USP49: variants seen among roughly 807,000 people sequenced by gnomAD.
USP49 encodes ubiquitin specific peptidase 49.
USP49 carries 24 observed loss-of-function variants against 58.6 expected under a neutral mutation model. That is an observed-to-expected ratio of 0.41 (90% CI 0.30 to 0.58). The LOEUF (loss-of-function observed/expected upper bound fraction) is 0.58. Ranked by LOEUF, USP49 falls within the 20% of genes least tolerant of loss-of-function variation. The pLI, the probability that USP49 is intolerant of heterozygous loss-of-function variation, is 0.30. For missense variants in USP49, 703 were observed against 866.1 expected (o/e 0.81, Z 2.36); for synonymous variants, 408 against 365.1 (o/e 1.12, Z -1.34).
intron 3 of USP49, among the ~76,000 whole-genome samples, chr6:41,849,821 T>A (rs1418387339): frequency 6.6e-6 from 1 of 152,106 alleles, no homozygotes; most frequent in Non-Finnish European, 1.5e-5. Flanking sequence ...TTGGCCAATA[T>A]GGTCTTGATC....
rs1352260957 is a variant in USP49, at chr6:41,798,900, A to G, written c.1700T>C (p.Ile567Thr). Reference sequence around the variant, plus strand: ...CTGGTCAAAGACGACATGGACCCCAATCTTCTCTCGATGATTACGGCCAGA... The same window carrying G: ...CTGGTCAAAGACGACATGGACCCCAGTCTTCTCTCGATGATTACGGCCAGA... ...RWSGRNHREKIGVHVVFDQVL... is the reference protein window; with the variant it reads ...RWSGRNHREKTGVHVVFDQVL... The change falls in exon 7 of 8, where the codon ATT (isoleucine) becomes ACT (threonine). Residue 567 changes from isoleucine to threonine, a missense_variant. Coordinates refer to ENST00000682992, the MANE Select transcript of USP49 (RefSeq NM_001286554.2). 2 of 1,613,866 alleles carry G rather than the reference A, an allele frequency of 1.2e-6. No individual in the cohort carries two copies. Among genetic ancestry groups the G allele is most frequent in the Non-Finnish European group, 1.7e-6 (2 of 1,179,946 alleles).
intron 3 of USP49, among the ~76,000 whole-genome samples, chr6:41,865,803 C>CTTTT (rs55695314): frequency 8.4e-6 from 1 of 119,036 alleles, no homozygotes; most frequent in Admixed American, 9.3e-5. Flanking sequence ...CATGCCTGGC[C>CTTTT]TTTTTTTTTT....
Position 41,806,829 on chromosome 6 carries a change from T to C in USP49, c.155A>G (p.Asp52Gly). 6.2e-7 allele frequency: 1 copy of C among 1,614,054 alleles called. No homozygotes were observed. ...CTCCTCAAAGTGTTTCAGGGCGTGG[T>C]CCTCAATATAGCGGCCGCAGGCCAC... ...SHVACGRYIE[D>G]HALKHFEETG... Residue 52 changes from aspartate to glycine, a missense_variant, in exon 4 of 8, where the codon GAC (aspartate) becomes GGC (glycine). Transcript: ENST00000682992. This position sits in a 1 kb window ranked among gnomAD's most constrained non-coding sequence, Gnocchi z 5.9.
intron 3 of USP49, among the ~76,000 whole-genome samples, chr6:41,852,680 C>CT (rs1335912901): frequency 2.0e-5 from 3 of 152,190 alleles, no homozygotes; most frequent in Admixed American, 1.3e-4. Flanking sequence ...GATGCAAGCC[C>CT]TATCAAAATC....
At chr6:41,802,603 T>G (rs1287258385) in intron 5 of USP49, among the ~76,000 whole-genome samples, 1 of 151,650 alleles carries the variant, frequency 6.6e-6, no homozygotes, top group East Asian at 1.9e-4. Flanking sequence ...CTAAGATTTT[T>G]TTTTTCTTCA....
chr6:41,839,013 T>C (rs1229383400), intron 3 of USP49, among the ~76,000 whole-genome samples: 1 of 152,196 alleles, frequency 6.6e-6, no homozygotes, highest in East Asian at 1.9e-4. Flanking sequence ...AAAAAATTCT[T>C]GGAACTAAAC....
At chr6:41,808,835 G>C (rs556614323) in intron 3 of USP49, among the ~76,000 whole-genome samples, 126 of 152,292 alleles carry the variant, frequency 8.3e-4, no homozygotes, top group South Asian at 4.4e-3. Context: ...GGGAGGCTGA[G>C]GTGGAAGGAT....
chr6:41,889,401 T>G (rs574400815), intron 2 of USP49, among the ~76,000 whole-genome samples: 1 of 152,232 alleles, frequency 6.6e-6, no homozygotes, highest in South Asian at 2.1e-4. Flanking sequence ...TACATAAGAG[T>G]CTTTAAAATA....
intron 3 of USP49, among the ~76,000 whole-genome samples, chr6:41,856,389 A>C (rs1750812120): frequency 6.6e-6 from 1 of 151,930 alleles, no homozygotes; most frequent in African/African-American, 2.4e-5. Flanking sequence ...AAAAAAAAAA[A>C]CTTGTAATAT....
At chr6:41,850,038 G>A (rs966447274) in intron 3 of USP49, among the ~76,000 whole-genome samples, 18 of 151,772 alleles carry the variant, frequency 1.2e-4, no homozygotes, top group African/African-American at 4.1e-4. Context: ...AGTCACAAGA[G>A]AAGTTAGAAA....
chr6:41,847,788 C>T (rs986649125), intron 3 of USP49, among the ~76,000 whole-genome samples: 1 of 151,546 alleles, frequency 6.6e-6, no homozygotes, highest in African/African-American at 2.4e-5. Context: ...TTATAGGGCA[C>T]GATCAGGACA....
chr6:41,887,257 G>T (rs1774728500), intron 2 of USP49: 4 of 152,206 alleles, frequency 2.6e-5, no homozygotes. Context: ...TCATACAAAA[G>T]TATCCTCCTA....
chr6:41,828,031 A>G (rs994993040), intron 3 of USP49, among the ~76,000 whole-genome samples: 4 of 152,330 alleles, frequency 2.6e-5, no homozygotes, highest in Admixed American at 6.5e-5. Context: ...CTAAATTACT[A>G]AAGTAAAATT....
chr6:41,810,219 G>A (rs547666019), intron 3 of USP49, among the ~76,000 whole-genome samples: 1 of 151,740 alleles, frequency 6.6e-6, no homozygotes, highest in African/African-American at 2.4e-5. Context: ...AGTGGCTCAC[G>A]CCTGTAATCC....
At chr6:41,802,428 T>TTTTATTTTATTTA (rs10688447) in intron 5 of USP49, among the ~76,000 whole-genome samples, 205 of 106,432 alleles carry the variant, frequency 1.9e-3, no homozygotes, top group East Asian at 0.011. Context: ...TTTTATTTTA[T>TTTTATTTTATTTA]TTTATTTATT....
At chr6:41,807,220 CT>C (rs1773156762) in intron 3 of USP49, among the ~76,000 whole-genome samples, 1 of 152,012 alleles carries the variant, frequency 6.6e-6, no homozygotes, top group Admixed American at 6.6e-5. Context: ...AGTTAAATTA[CT>C]TAAAAAGGAA....
intron 3 of USP49, among the ~76,000 whole-genome samples, chr6:41,821,833 A>T (rs1242047918): frequency 2.6e-5 from 4 of 152,194 alleles, no homozygotes; most frequent in Non-Finnish European, 5.9e-5. Context: ...GTCTCACTGT[A>T]GTCTCAGCAA....
At chr6:41,872,378 C>T (rs1408953699) in intron 2 of USP49, among the ~76,000 whole-genome samples, 3 of 150,918 alleles carry the variant, frequency 2.0e-5, no homozygotes, top group Admixed American at 6.6e-5. Context: ...CGGGCGTCCG[C>T]CGCCCCATCT....
rs1561902624 is a variant in USP49, at chr6:41,802,452, A to ATTTTTTTTTTTTT, written c.1561+1353_1561+1354insAAAAAAAAAAAAA. 6.3e-5 allele frequency among the ~76,000 whole-genome samples: 4 copies of ATTTTTTTTTTTTT among 63,832 alleles called. 1 individual carries two copies. Among genetic ancestry groups the ATTTTTTTTTTTTT allele is most frequent in the African/African-American group, 2.2e-4 (3 of 13,742 alleles). The allele number at this position is 63,832 out of a possible 152,430, so 41.9% of individuals were successfully genotyped here. The stretch of plus-strand genomic sequence containing the variant: ...ATTTTATTTATTTATTTATTTATTT[A>ATTTTTTTTTTTTT]TTTATTTATTTATTTATTTTTTATT... On this transcript the variant is annotated intron_variant, in intron 5 of 7. Transcript: ENST00000682992.
Sources: allele counts gnomAD v4.1 joint callset (sites outside exome capture counted in the v4.1 genomes callset), GRCh38; gene constraint gnomAD v4.1.1; non-coding constraint Gnocchi (gnomAD v3.1); transcripts MANE v1.5; gene names NCBI Gene and HGNC (gene_info 2026-07-23, HGNC 2026-07-21).